Variants in SLC35E2B observed in about 807,000 individuals in gnomAD.
SLC35E2B encodes solute carrier family 35 member E2B, also known as solute carrier family 35, member E2B.
A neutral mutation model predicts 32.4 loss-of-function variants in SLC35E2B; 18 were observed. That is an observed-to-expected ratio of 0.56 (90% CI 0.38 to 0.82). The LOEUF (loss-of-function observed/expected upper bound fraction) is 0.82. Among genes scored for constraint, SLC35E2B ranks in the 40% least tolerant of loss-of-function variants. SLC35E2B has a pLI of 0.00. For missense variants in SLC35E2B, 263 were observed against 469.5 expected (o/e 0.56, Z 4.06); for synonymous variants, 132 against 209.1 (o/e 0.63, Z 3.18).
At chr1:1,689,884 G>A (rs1225609798) in intron 2 of SLC35E2B, among the ~76,000 whole-genome samples, 5 of 151,062 alleles carry the variant, frequency 3.3e-5, no homozygotes, top group African/African-American at 2.4e-5. Context: ...CTACTCGGGA[G>A]GGTGAGGCAG....
chr1:1,682,149 C>T (rs371523338), intron 2 of SLC35E2B, among the ~76,000 whole-genome samples: 14 of 151,912 alleles, frequency 9.2e-5, no homozygotes, highest in African/African-American at 2.9e-4. Context: ...CATGAGTGAC[C>T]GTGCCCGGCT....
rs1350105614 is a variant in SLC35E2B at position 1,664,709 on chromosome 1, C to T, written c.*1073G>A. On this transcript the variant is annotated 3_prime_UTR_variant, in exon 10 of 10. Transcript: ENST00000617444. ...AGTGGGACAGGGTGGGCGCCTGACA[C>T]ACACCACGCGCCCCAGAAACATTCA... The T allele has an allele frequency of 8.0e-6, 7 of 880,326 alleles. 1 individual carries two copies. The highest frequency in any genetic ancestry group is 9.4e-6 in the Non-Finnish European group (7 of 742,886). 54.5% of individuals were successfully genotyped at this position (880,326 alleles called of 1,614,324 possible).
chr1:1,676,453 AC>A lies in SLC35E2B; in HGVS notation c.246del (p.Trp82CysfsTer26). ...SSRALLYLTL[W>X]FFFSFCTLFL... ...AAGAGCGTGCAGAAGCTGAAGAAGA[AC>A]CACAGCGTGAGGTAGAGCAGCGCCC... On this transcript the variant is annotated frameshift_variant, in exon 3 of 10. Transcript: ENST00000617444. LOFTEE classifies it high-confidence loss of function. The A allele has an allele frequency of 1.4e-6, 1 of 734,834 alleles. No homozygotes were observed. Among genetic ancestry groups the A allele is most frequent in the Non-Finnish European group, 2.1e-6 (1 of 474,382 alleles). The allele number at this position is 734,834 out of a possible 1,614,324, so 45.5% of individuals were successfully genotyped here.
In SLC35E2B at chr1:1,665,907, G is replaced by C; in HGVS notation, c.1093C>G (p.Leu365Val). The C allele has an allele frequency of 2.6e-5, 40 of 1,551,354 alleles. No homozygotes were observed. Among genetic ancestry groups the C allele is most frequent in the Non-Finnish European group, 3.4e-5 (39 of 1,146,978 alleles). The change falls in exon 10 of 10, where the codon CTG (leucine) becomes GTG (valine). Residue 365 changes from leucine to valine, a missense_variant. Leu to Val is a conservative substitution (Grantham distance 32, BLOSUM62 1). This residue lies in a region of SLC35E2B where 78 missense variants were observed against 71.1 expected (regional missense o/e 1.10). Transcript: ENST00000617444. Reference sequence around the variant, plus strand: ...TGTTGCCTGGCTTTGTTGTAGAGCAGGACCCCAACGGTCACCAGGGCTGTG... The same window carrying C: ...TGTTGCCTGGCTTTGTTGTAGAGCACGACCCCAACGGTCACCAGGGCTGTG... ...VGTALVTVGVLLYNKARQHQQ... is the reference protein window; with the variant it reads ...VGTALVTVGVVLYNKARQHQQ...
intron 2 of SLC35E2B, among the ~76,000 whole-genome samples, chr1:1,679,568 T>C (rs149666899): frequency 6.6e-6 from 1 of 152,032 alleles, no homozygotes; most frequent in Non-Finnish European, 1.5e-5. Flanking sequence ...GGCTCACACC[T>C]GGAATCCCAG....
chr1:1,689,420 T>C (rs1643993246), intron 2 of SLC35E2B, among the ~76,000 whole-genome samples: 1 of 151,520 alleles, frequency 6.6e-6, no homozygotes, highest in Non-Finnish European at 1.5e-5. Context: ...AATAGCCCTC[T>C]GGGGAAGGTG....
chr1:1,681,565 G>A (rs1171235670), intron 2 of SLC35E2B, among the ~76,000 whole-genome samples: 1 of 150,684 alleles, frequency 6.6e-6, no homozygotes, highest in African/African-American at 2.4e-5. Flanking sequence ...AGAGTGCAGT[G>A]GCACAATCTC....
chr1:1,680,068 G>A (rs565479606), intron 2 of SLC35E2B, among the ~76,000 whole-genome samples: 61 of 151,924 alleles, frequency 4.0e-4, no homozygotes, highest in South Asian at 2.9e-3. Flanking sequence ...CGGAGGTTGC[G>A]GTGAGCCGAG....
At chr1:1,679,952 G>A (rs559932139) in intron 2 of SLC35E2B, among the ~76,000 whole-genome samples, 1 of 151,384 alleles carries the variant, frequency 6.6e-6, no homozygotes, top group South Asian at 2.1e-4. Context: ...CCAACGTGGA[G>A]AAACCCCGTC....
chr1:1,675,446 G>T lies in SLC35E2B; in HGVS notation c.586+17C>A, dbSNP rs763552021. 29 of 1,612,148 alleles carry T rather than the reference G, an allele frequency of 1.8e-5. 1 individual carries two copies. The highest frequency in any genetic ancestry group is 2.5e-5 in the Non-Finnish European group (29 of 1,179,454). The stretch of plus-strand genomic sequence containing the variant: ...ATGGTGGGGCGCAGGCGGAGGGGCG[G>T]GGCCCGGGGGCCTCACCTGTGTACT... On this transcript the variant is annotated intron_variant, in intron 5 of 9. Coordinates refer to ENST00000617444, the MANE Select transcript of SLC35E2B (RefSeq NM_001290264.2).
rs190638699 is a variant in SLC35E2B, at chr1:1,666,613, G to A, written c.981-594C>T. 3.2e-4 allele frequency among the ~76,000 whole-genome samples: 48 copies of A among 152,332 alleles called. No homozygotes were observed. In the East Asian group the frequency reaches 8.5e-3, roughly 27 times the overall value. Reference sequence around the variant, plus strand: ...CTCTAAAGAACAAGAACATCACCGGGCGCAGCGGCTTAGCCTGGAATCCCA... The same window carrying A: ...CTCTAAAGAACAAGAACATCACCGGACGCAGCGGCTTAGCCTGGAATCCCA... On this transcript the variant is annotated intron_variant, in intron 9 of 9. Coordinates refer to ENST00000617444, the MANE Select transcript of SLC35E2B (RefSeq NM_001290264.2).
intron 5 of SLC35E2B, chr1:1,673,558 C>T (rs117693904): frequency 1.5e-5 from 3 of 200,288 alleles, no homozygotes; most frequent in Non-Finnish European, 3.1e-5. Flanking sequence ...ATCCCAGCTA[C>T]TCAGAGGAGG....
intron 1 of SLC35E2B, 99 bp downstream of exon 1, chr1:1,692,350 C>T: frequency 1.0e-6 from 1 of 976,456 alleles, no homozygotes; most frequent in Non-Finnish European, 1.2e-6. Flanking sequence ...CGCCCGCACA[C>T]TCAGCATCAG....
chr1:1,679,086 G>C (rs1204494603), intron 2 of SLC35E2B, among the ~76,000 whole-genome samples: 2 of 152,190 alleles, frequency 1.3e-5, no homozygotes, highest in Non-Finnish European at 2.9e-5. Context: ...CCCCCTGGCT[G>C]GGGACGCTGT....
Position 1,663,818 on chromosome 1 carries a change from A to G in SLC35E2B, c.*1964T>C, listed in dbSNP as rs1643469810. 1.1e-6 allele frequency: 1 copy of G among 912,558 alleles called. No individual in the cohort carries two copies. The highest frequency in any genetic ancestry group is 1.3e-6 in the Non-Finnish European group (1 of 763,458). 56.5% of individuals were successfully genotyped at this position (912,558 alleles called of 1,614,324 possible). ...GAAAAAAAGAAATGGAAATCCGGGGAAAGTCACGTGACAAAACATCTTCGC... is the reference window on the plus strand; with the variant it reads ...GAAAAAAAGAAATGGAAATCCGGGGGAAGTCACGTGACAAAACATCTTCGC... On this transcript the variant is annotated 3_prime_UTR_variant, in exon 10 of 10. Coordinates refer to ENST00000617444, the MANE Select transcript of SLC35E2B (RefSeq NM_001290264.2).
chr1:1,670,348 C>T, intron 6 of SLC35E2B, 197 bp from the exon 7 acceptor site: 1 of 526,916 alleles, frequency 1.9e-6, no homozygotes. Context: ...TCTCCAACTC[C>T]TGACCTCAAG....
At chr1:1,690,323 T>TATATATATATATATATATATATATATAC (rs1557768927) in intron 2 of SLC35E2B, among the ~76,000 whole-genome samples, 1 of 142,100 alleles carries the variant, frequency 7.0e-6, no homozygotes, top group African/African-American at 2.6e-5. Context: ...TATATATATA[T>TATATATATATATATATATATATATATAC]ACATACCATA....
Position 1,665,798 on chromosome 1 carries a change from G to T in SLC35E2B, c.1202C>A (p.Pro401His). The change falls in exon 10 of 10, where the codon CCC (proline) becomes CAC (histidine). Residue 401 changes from proline to histidine, a missense_variant. This residue lies in a region of SLC35E2B where 78 missense variants were observed against 71.1 expected (regional missense o/e 1.10). Coordinates refer to ENST00000617444, the MANE Select transcript of SLC35E2B (RefSeq NM_001290264.2). ...DTVEPLLPQD[P>H]RQHP is the part of the protein sequence containing the mutation. ...TTCCTGCTCTCAGGGATGCTGCCTGGGGTCCTGTGGAAGCAGCGGCTCCAC... is the reference window on the plus strand; with the variant it reads ...TTCCTGCTCTCAGGGATGCTGCCTGTGGTCCTGTGGAAGCAGCGGCTCCAC... 6.4e-7 allele frequency: 1 copy of T among 1,550,740 alleles called. No individual in the cohort carries two copies.
In SLC35E2B at chr1:1,671,315, T is replaced by C. The variant is rs75646440; in HGVS notation, c.707+194A>G. ...TTTTAAGTACCAAGACCGTCCATCC[T>C]GAAATTTCGGCTTATTTTTGAGAAA... On this transcript the variant is annotated intron_variant, in intron 6 of 9. Transcript: ENST00000617444. The C allele has an allele frequency of 9.1e-4, 484 of 529,568 alleles. No individual in the cohort carries two copies. In the East Asian group the frequency reaches 0.016, roughly 17 times the overall value. 32.8% of individuals were successfully genotyped at this position (529,568 alleles called of 1,614,324 possible).
Sources: allele counts gnomAD v4.1 joint callset (sites outside exome capture counted in the v4.1 genomes callset), GRCh38; gene constraint gnomAD v4.1.1; regional missense constraint gnomAD v4.1.1; transcripts MANE v1.5; gene names NCBI Gene and HGNC (gene_info 2026-07-23, HGNC 2026-07-21).